The following SGCD variants were observed in gnomAD, a reference collection of about 807,000 sequenced individuals.
SGCD encodes the protein sarcoglycan delta, also known as delta-sarcoglycan.
SGCD carries 18 observed loss-of-function variants against 36.6 expected under a neutral mutation model. The observed-to-expected ratio is 0.49, with a 90% CI of 0.34 to 0.73. SGCD has a LOEUF of 0.73. Among genes scored for constraint, SGCD ranks in the 30% least tolerant of loss-of-function variants. The pLI is 0.01. For missense variants in SGCD, 387 were observed against 346.7 expected (o/e 1.12, Z -0.92); for synonymous variants, 133 against 130.6 (o/e 1.02, Z -0.12).
the SGCD span, among the ~76,000 whole-genome samples, chr5:155,760,215 C>T: frequency 3.3e-5 from 5 of 151,274 alleles, 1 homozygote; most frequent in African/African-American, 9.7e-5. Flanking sequence ...CACCAACACC[C>T]TCTCCATCAC....
intron 7 of SGCD, among the ~76,000 whole-genome samples, chr5:156,734,310 CT>C (rs56775098): frequency 0.17 from 25,067 of 147,872 alleles, 4,365 homozygotes; most frequent in African/African-American, 0.45. Flanking sequence ...CTGCCTTTAA[CT>C]TTTTTTTTTT....
chr5:155,777,563 G>T, the SGCD span, among the ~76,000 whole-genome samples: 1 of 152,010 alleles, frequency 6.6e-6, no homozygotes, highest in Admixed American at 6.5e-5. Context: ...TCACCATGTT[G>T]CCCAGACTGG....
chr5:156,190,059 A>G (rs1267836623), intron 3 of SGCD, among the ~76,000 whole-genome samples: 1 of 152,158 alleles, frequency 6.6e-6, no homozygotes, highest in Non-Finnish European at 1.5e-5. Context: ...ACATATGGGC[A>G]TTTCATTGCA....
intron 3 of SGCD, among the ~76,000 whole-genome samples, chr5:156,454,922 G>A (rs1012962092): frequency 2.0e-5 from 3 of 152,010 alleles, no homozygotes; most frequent in African/African-American, 7.3e-5. Context: ...CCTCATACCT[G>A]CAATGCTGAT....
At chr5:156,158,443 A>T (rs1412064423) in intron 3 of SGCD, among the ~76,000 whole-genome samples, 1 of 151,572 alleles carries the variant, frequency 6.6e-6, no homozygotes, top group Non-Finnish European at 1.5e-5. Flanking sequence ...AATCTTGGAG[A>T]GTGCTGTGCT....
chr5:156,083,789 G>C (rs537557429), intron 1 of SGCD, among the ~76,000 whole-genome samples: 2 of 149,762 alleles, frequency 1.3e-5, no homozygotes. Flanking sequence ...TTTTTGTTTT[G>C]TTTTTGTTTT....
chr5:155,810,668 A>G, the SGCD span, among the ~76,000 whole-genome samples: 1 of 152,080 alleles, frequency 6.6e-6, no homozygotes, highest in Non-Finnish European at 1.5e-5. Flanking sequence ...GAAAACATTC[A>G]CCTGATGAAA....
chr5:156,153,552 C>A (rs961970680), intron 3 of SGCD, among the ~76,000 whole-genome samples: 1 of 151,594 alleles, frequency 6.6e-6, no homozygotes, highest in East Asian at 1.9e-4. Flanking sequence ...ATTGAATAGA[C>A]TTGAGAGCAG....
intron 3 of SGCD, among the ~76,000 whole-genome samples, chr5:156,184,529 T>C (rs765347048): frequency 2.0e-5 from 3 of 152,204 alleles, no homozygotes; most frequent in Non-Finnish European, 4.4e-5. Flanking sequence ...TGCCCTCATA[T>C]GTTTATTGAT....
chr5:156,379,453 CAGAA>C lies in SGCD; in HGVS notation c.192+34781_192+34784del, dbSNP rs1180763959. Among the ~76,000 whole-genome samples, 4 of 152,250 alleles carry C rather than the reference CAGAA, an allele frequency of 2.6e-5. No homozygotes were observed. The East Asian group carries it at 5.8e-4, about 22-fold the overall frequency. ...CCATATGGATGGTGTGTTCAAGAAACAGAAAGAAGTGTCCTTCTGTGTGGCTGAA... is the reference window on the plus strand; with the variant it reads ...CCATATGGATGGTGTGTTCAAGAAACAGAAGTGTCCTTCTGTGTGGCTGAA... On this transcript the variant is annotated intron_variant, in intron 3 of 8. Transcript: ENST00000337851.
chr5:156,217,786 C>A (rs1561570061), intron 3 of SGCD, among the ~76,000 whole-genome samples: 1 of 151,896 alleles, frequency 6.6e-6, no homozygotes, highest in Admixed American at 6.6e-5. Flanking sequence ...AGAGTAGATA[C>A]ACAAATAAGT....
intron 7 of SGCD, among the ~76,000 whole-genome samples, chr5:156,695,110 GTT>G (rs1023087172): frequency 1.5e-5 from 2 of 131,660 alleles, no homozygotes; most frequent in Non-Finnish European, 3.2e-5. Context: ...AAGGTACTGT[GTT>G]TGTGTGTGTG....
At chr5:156,493,481 T>C (rs1265440683) in intron 3 of SGCD, among the ~76,000 whole-genome samples, 3 of 152,158 alleles carry the variant, frequency 2.0e-5, no homozygotes, top group Non-Finnish European at 4.4e-5. Context: ...GGGTTCCCTA[T>C]GGATTTTTAA....
chr5:155,816,750 G>C, the SGCD span, among the ~76,000 whole-genome samples: 1 of 152,118 alleles, frequency 6.6e-6, no homozygotes, highest in Admixed American at 6.6e-5. Context: ...TCATGACTTG[G>C]TTTCATTGGA....
At chr5:156,420,399 T>C (rs1178423942) in intron 3 of SGCD, among the ~76,000 whole-genome samples, 1 of 152,132 alleles carries the variant, frequency 6.6e-6, no homozygotes, top group East Asian at 1.9e-4. Context: ...AAAAAATTAC[T>C]TCTTAGGGCA....
chr5:156,263,828 G>A (rs1410626130), intron 3 of SGCD, among the ~76,000 whole-genome samples: 1 of 152,034 alleles, frequency 6.6e-6, no homozygotes, highest in Admixed American at 6.6e-5. Flanking sequence ...AATTATCCCA[G>A]CACCATTTGT....
the SGCD span, among the ~76,000 whole-genome samples, chr5:155,833,225 C>CA: frequency 1.2e-3 from 168 of 137,384 alleles, no homozygotes; most frequent in Admixed American, 1.9e-3. Flanking sequence ...GAGAGAATCT[C>CA]AAAAAAAAAA....
At chr5:155,937,407 A>C (rs937316601) in intron 1 of SGCD, among the ~76,000 whole-genome samples, 1 of 152,196 alleles carries the variant, frequency 6.6e-6, no homozygotes, top group African/African-American at 2.4e-5. Context: ...CAAAAACTAT[A>C]ATTTGGGAAA....
chr5:156,365,845 AATAT>A (rs963913369), intron 3 of SGCD, among the ~76,000 whole-genome samples: 9 of 152,328 alleles, frequency 5.9e-5, no homozygotes, highest in African/African-American at 1.7e-4. Context: ...TGTACATGTA[AATAT>A]ATACACGTGG....
Sources: allele counts gnomAD v4.1 joint callset (sites outside exome capture counted in the v4.1 genomes callset), GRCh38; gene constraint gnomAD v4.1.1; transcripts MANE v1.5; gene names NCBI Gene and HGNC (gene_info 2026-07-23, HGNC 2026-07-21).